EXO1: variants seen among roughly 807,000 people sequenced by gnomAD.
The protein encoded by EXO1 is exonuclease 1.
A neutral mutation model predicts 84.5 loss-of-function variants in EXO1; 69 were observed. That is an observed-to-expected ratio of 0.82 (90% confidence interval 0.67 to 1.00). EXO1 has a LOEUF of 1.00. EXO1 is among the 50% of genes least tolerant of loss of function. The probability of loss-of-function intolerance (pLI) is 0.00; values close to 1 mark genes in which losing one functional copy is unlikely to be tolerated. For synonymous variants in EXO1, 373 were observed against 366.1 expected (o/e 1.02, Z -0.21); for missense variants, 1,045 against 1,000.7 (o/e 1.04, Z -0.60).
chr1:241,853,052 A>C (rs1283849498), intron 5 of EXO1, among the ~76,000 whole-genome samples: 3 of 152,224 alleles, frequency 2.0e-5, no homozygotes, highest in Non-Finnish European at 4.4e-5. Context: ...TATCTGCTAC[A>C]TTATCACTTT....
rs546130715 is a variant in EXO1, at chr1:241,855,124, G to C, written c.405+1643G>C. 6.6e-5 allele frequency among the ~76,000 whole-genome samples: 10 copies of C among 152,308 alleles called. No homozygotes were observed. In the East Asian group the frequency reaches 7.7e-4, roughly 12 times the overall value. On this transcript the variant is annotated intron_variant, in intron 6 of 15. Transcript: ENST00000366548. Reference sequence around the variant, plus strand: ...TTCCATGGTGTGGAAGGGGACCTAAGTGGGTTGCCACTGCTGGCTGGGGCA... The same window carrying C: ...TTCCATGGTGTGGAAGGGGACCTAACTGGGTTGCCACTGCTGGCTGGGGCA...
At chr1:241,849,258 C>T (rs928843831) in intron 3 of EXO1, 42 bp downstream of exon 3, 8 of 152,220 alleles carry the variant, frequency 5.3e-5, no homozygotes, top group African/African-American at 1.9e-4. Context: ...TCTTCCTTTC[C>T]TTCCAAACTT....
At chr1:241,868,374 C>CAAAAAAAAAA (rs10591886) in intron 11 of EXO1, among the ~76,000 whole-genome samples, 1 of 115,870 alleles carries the variant, frequency 8.6e-6, no homozygotes. Flanking sequence ...GAATCCATCT[C>CAAAAAAAAAA]AAAAAAAAAA....
chr1:241,851,887 A>G (rs765445573), intron 4 of EXO1, among the ~76,000 whole-genome samples: 1 of 152,244 alleles, frequency 6.6e-6, no homozygotes, highest in Non-Finnish European at 1.5e-5. Context: ...TAAATTACTT[A>G]GCTGTGATAT....
intron 13 of EXO1, 91 bp downstream of exon 13, chr1:241,879,434 A>G (rs1406644900): frequency 1.4e-6 from 1 of 722,498 alleles, no homozygotes; most frequent in East Asian, 2.6e-5. Context: ...CCTACATGTG[A>G]ATGACGAGCT....
chr1:241,871,531 G>C (rs1479629716), intron 11 of EXO1, among the ~76,000 whole-genome samples: 1 of 152,170 alleles, frequency 6.6e-6, no homozygotes, highest in African/African-American at 2.4e-5. Context: ...TCATAGTGAA[G>C]TAATAACGAT....
At position 241,873,284 on chromosome 1, in the gene EXO1, A is replaced by G. The variant is rs4149972; in HGVS notation, c.1514+1006A>G. ...AATGGCCAGTGATGATGAGCCTTGA[A>G]TAAACATTGAGTCTAGAGGGAAGCA... is the stretch of plus-strand genomic sequence containing the variant. On this transcript the variant is annotated intron_variant, in intron 12 of 15. Coordinates refer to ENST00000366548, the MANE Select transcript of EXO1 (RefSeq NM_130398.4). Among the ~76,000 whole-genome samples the G allele has an allele frequency of 5.5e-3, 841 of 152,296 alleles. 6 individuals carry two copies. Among genetic ancestry groups the G allele is most frequent in the African/African-American group, 0.019 (803 of 41,556 alleles).
At position 241,858,444 on chromosome 1, in the gene EXO1, G is replaced by A; in HGVS notation, c.544-62G>A. 10 of 980,516 alleles carry A rather than the reference G, an allele frequency of 1.0e-5. 1 individual carries two copies. The South Asian group carries it at 1.3e-4, about 13-fold the overall frequency. The allele number at this position is 980,516 out of a possible 1,614,324, so 60.7% of individuals were successfully genotyped here. A position where few individuals can be genotyped will look rare whatever the true frequency, so the allele number is the denominator to read the frequency against. On this transcript the variant is annotated intron_variant, in intron 7 of 15. Transcript: ENST00000366548. ...AGAAAGATTTCTTAAAATTATTGCA[G>A]TGGATTAGATAATGACAAAAGTGGC...
intron 14 of EXO1, among the ~76,000 whole-genome samples, chr1:241,884,647 C>CTGTGTGTGTG (rs71570908): frequency 1.4e-5 from 2 of 147,614 alleles, no homozygotes; most frequent in African/African-American, 5.0e-5. Context: ...ACTATGCTGC[C>CTGTGTGTGTG]TGTGTGTGTG....
In EXO1 at chr1:241,872,288, T is replaced by C. The variant is rs1319664204; in HGVS notation, c.1514+10T>C. 3 of 1,613,400 alleles carry C rather than the reference T, an allele frequency of 1.9e-6. No homozygotes were observed. Among genetic ancestry groups the C allele is most frequent in the East Asian group, 2.2e-5 (1 of 44,882 alleles). ...CAGGGACCAGAAGCAGGTATAGTTA[T>C]GTCTCCAGAATGTTGATTGTCTGTT... On this transcript the variant is annotated intron_variant, in intron 12 of 15. Coordinates refer to ENST00000366548, the MANE Select transcript of EXO1 (RefSeq NM_130398.4).
chr1:241,865,460 C>T (rs531366725), intron 10 of EXO1, among the ~76,000 whole-genome samples: 17 of 151,558 alleles, frequency 1.1e-4, no homozygotes, highest in South Asian at 6.3e-4. Flanking sequence ...ATCCACCTGC[C>T]TCAGCCTCCC....
chr1:241,889,440 A>T, intron 15 of EXO1, 25 bp from the exon 16 acceptor site: 1 of 1,603,762 alleles, frequency 6.2e-7, no homozygotes, highest in Non-Finnish European at 8.5e-7. Context: ...TAAAAATACC[A>T]AATGTATTTT....
At chr1:241,852,749 C>T (rs377273638) in intron 5 of EXO1, among the ~76,000 whole-genome samples, 17 of 152,308 alleles carry the variant, frequency 1.1e-4, no homozygotes, top group African/African-American at 3.8e-4. Flanking sequence ...CTCCACCTCC[C>T]GGATTCAAGC....
intron 10 of EXO1, among the ~76,000 whole-genome samples, chr1:241,865,961 T>A (rs1661695726): frequency 6.6e-6 from 1 of 152,210 alleles, no homozygotes; most frequent in South Asian, 2.1e-4. Flanking sequence ...GATTAGATTC[T>A]GAGTTCATGT....
intron 13 of EXO1, 120 bp downstream of exon 13, chr1:241,879,463 A>G: frequency 1.5e-6 from 1 of 649,986 alleles, no homozygotes; most frequent in East Asian, 2.7e-5. Context: ...TTTTCATTCT[A>G]AACTCTACTG....
Position 241,860,689 on chromosome 1 carries a change from T to TA in EXO1, c.931dup (p.Ser311LysfsTer8), listed in dbSNP as rs1178591390. 1.2e-6 allele frequency: 2 copies of TA among 1,613,142 alleles called. No individual in the cohort carries two copies. Among genetic ancestry groups the TA allele is most frequent in the Non-Finnish European group, 1.7e-6 (2 of 1,179,104 alleles). On this transcript the variant is annotated frameshift_variant, in exon 9 of 16. Coordinates refer to ENST00000366548, the MANE Select transcript of EXO1 (RefSeq NM_130398.4). LOFTEE classifies it high-confidence loss of function. ...GAAGATGATGTTGATCCTGAAACAC[T>TA]AAGCTACGCTGGGCAGTATCCTTTC...
intron 15 of EXO1, among the ~76,000 whole-genome samples, chr1:241,887,221 C>A (rs558213352): frequency 6.6e-6 from 1 of 152,176 alleles, no homozygotes; most frequent in African/African-American, 2.4e-5. Context: ...ACTGTACCCT[C>A]GAGCTCCTGA....
intron 13 of EXO1, among the ~76,000 whole-genome samples, chr1:241,881,017 A>C (rs944948225): frequency 6.6e-6 from 1 of 151,698 alleles, no homozygotes; most frequent in African/African-American, 2.4e-5. Context: ...TGGGTTTTTT[A>C]TTGCTCTTTT....
In EXO1 at chr1:241,889,937, C is replaced by G; in HGVS notation, c.*337C>G. 6.4e-6 allele frequency: 2 copies of G among 313,282 alleles called. No individual in the cohort carries two copies. The highest frequency in any genetic ancestry group is 6.1e-6 in the Non-Finnish European group (1 of 164,170). 19.4% of individuals were successfully genotyped at this position (313,282 alleles called of 1,614,324 possible). On this transcript the variant is annotated 3_prime_UTR_variant, in exon 16 of 16. Transcript: ENST00000366548. ...AGAAAGATAGTAAATGGAGAAACTACAATCCTAGAGGAAATCACTGTGTTT... is the reference window on the plus strand; with the variant it reads ...AGAAAGATAGTAAATGGAGAAACTAGAATCCTAGAGGAAATCACTGTGTTT...
Sources: gnomAD v4.1 joint callset for allele counts (sites outside exome capture counted in the v4.1 genomes callset) on GRCh38, gnomAD v4.1.1 for gene constraint, MANE v1.5 for transcripts, NCBI Gene and HGNC (gene_info 2026-07-23, HGNC 2026-07-21) for gene names.